BDP1: variants seen among roughly 807,000 people sequenced by gnomAD.
The protein encoded by BDP1 is BDP1 general transcription factor IIIB subunit.
In BDP1, 169 loss-of-function variants were observed where a neutral mutation model predicts 266.6. That is an observed-to-expected ratio of 0.63 (90% CI 0.56 to 0.72). The LOEUF (loss-of-function observed/expected upper bound fraction) is 0.72. Among genes scored for constraint, BDP1 ranks in the 30% least tolerant of loss-of-function variants. The probability of loss-of-function intolerance (pLI) is 0.00; values close to 1 mark genes in which losing one functional copy is unlikely to be tolerated. For missense variants in BDP1, 3,015 were observed against 3,053.8 expected, an observed-to-expected ratio of 0.99 and a Z score of 0.30; for synonymous variants, 1,090 against 1,022.4, an observed-to-expected ratio of 1.07 and a Z score of -1.26.
Position 71,523,089 on chromosome 5 carries a change from A to T in BDP1, c.5387+140A>T, listed in dbSNP as rs1386836248. The T allele has an allele frequency of 1.2e-5, 7 of 570,354 alleles. No homozygotes were observed. In the Admixed American group the frequency reaches 2.4e-4, roughly 20 times the overall value. The allele number at this position is 570,354 out of a possible 1,614,324, so 35.3% of individuals were successfully genotyped here. A position where few individuals can be genotyped will look rare whatever the true frequency, so the allele number is the denominator to read the frequency against. On this transcript the variant is annotated intron_variant, in intron 24 of 38. Coordinates refer to ENST00000358731, the MANE Select transcript of BDP1 (RefSeq NM_018429.3). ...GAAACTTGACCAAAGAGGAGTATGTATGTATTAGCTAAGTAATTAAGGTGC... is the reference window on the plus strand; with the variant it reads ...GAAACTTGACCAAAGAGGAGTATGTTTGTATTAGCTAAGTAATTAAGGTGC...
chr5:71,455,810 G>A lies in BDP1; in HGVS notation c.-68G>A. 6 of 1,400,420 alleles carry A rather than the reference G, an allele frequency of 4.3e-6. No homozygotes were observed. Among genetic ancestry groups the A allele is most frequent in the Non-Finnish European group, 5.8e-6 (6 of 1,033,076 alleles). The allele number at this position is 1,400,420 out of a possible 1,614,324, so 86.7% of individuals were successfully genotyped here. ...GGGCGTAGTTCCTAATCCCCTTTCC[G>A]GGCAGCCGCCGGGGCTCGGGGCTGT... On this transcript the variant is annotated 5_prime_UTR_variant, in exon 1 of 39. Transcript: ENST00000358731.
At position 71,517,255 on chromosome 5, in the gene BDP1, G is replaced by T. The variant is rs1487275191; in HGVS notation, c.4861-67G>T. ...TTTTAAAAAACTAAATATCTTAATG[G>T]TGGAAATATTTTAAGAGGTATATTC... On this transcript the variant is annotated intron_variant, in intron 21 of 38. Coordinates refer to ENST00000358731, the MANE Select transcript of BDP1 (RefSeq NM_018429.3). 8 of 1,258,972 alleles carry T rather than the reference G, an allele frequency of 6.4e-6. No individual in the cohort carries two copies. In the Admixed American group the frequency reaches 8.4e-5, roughly 13 times the overall value. 78.0% of individuals were successfully genotyped at this position (1,258,972 alleles called of 1,614,324 possible).
downstream of BDP1, among the ~76,000 whole-genome samples, chr5:71,570,341 A>G (rs1744226443): frequency 6.6e-6 from 1 of 152,232 alleles, no homozygotes; most frequent in African/African-American, 2.4e-5. Context: ...GATTTATGGT[A>G]TACCCATGAA....
chr5:71,527,009 A>G (rs1483945999), intron 25 of BDP1, among the ~76,000 whole-genome samples: 4 of 151,660 alleles, frequency 2.6e-5, no homozygotes, highest in Admixed American at 2.6e-4. Flanking sequence ...TTAAGTGTAC[A>G]CTTCAGTGGC....
Position 71,501,610 on chromosome 5 carries a change from G to A in BDP1, c.2005G>A (p.Glu669Lys), listed in dbSNP as rs1201649203. 1.9e-6 allele frequency: 3 copies of A among 1,604,780 alleles called. No individual in the cohort carries two copies. The highest frequency in any genetic ancestry group is 2.6e-6 in the Non-Finnish European group (3 of 1,173,634). Residue 669 changes from glutamate to lysine, a missense_variant, in exon 14 of 39, where the codon GAG becomes AAG. By Grantham distance (56) the Glu-to-Lys change is moderately conservative. Coordinates refer to ENST00000358731, the MANE Select transcript of BDP1 (RefSeq NM_018429.3). Reference sequence around the variant, plus strand: ...GAATACATTGGACATTTTGAGAATGGAGACTACAGAGAGAGAGAATCCAGA... The same window carrying A: ...GAATACATTGGACATTTTGAGAATGAAGACTACAGAGAGAGAGAATCCAGA... ...KMNTLDILRM[E>K]TTERENPEAE... is the part of the protein sequence containing the mutation.
intron 7 of BDP1, among the ~76,000 whole-genome samples, chr5:71,481,809 T>C (rs1473831853): frequency 6.6e-6 from 1 of 152,210 alleles, no homozygotes; most frequent in Non-Finnish European, 1.5e-5. Flanking sequence ...GAGTTATTAT[T>C]TTCTAAGTTC....
chr5:71,551,981 G>A (rs1742812908), intron 34 of BDP1, among the ~76,000 whole-genome samples: 2 of 150,358 alleles, frequency 1.3e-5, no homozygotes, highest in Non-Finnish European at 3.0e-5. Context: ...CCCGGACGGG[G>A]CGGCTGGCCT....
In BDP1 at chr5:71,522,350, G is replaced by T. The variant is rs200843292; in HGVS notation, c.5053G>T (p.Ala1685Ser). 10 of 1,613,850 alleles carry T rather than the reference G, an allele frequency of 6.2e-6. No homozygotes were observed. The highest frequency in any genetic ancestry group is 8.5e-6 in the Non-Finnish European group (10 of 1,179,936). Reference sequence around the variant, plus strand: ...AATGACAAGAAGGAAATTCCAAAAGGCTAAGCCAAATTTGGGAAGAGCACA... The same window carrying T: ...AATGACAAGAAGGAAATTCCAAAAGTCTAAGCCAAATTTGGGAAGAGCACA... Reference protein sequence around the residue: ...AQMTRRKFQKAKPNLGRAHSK... With the variant: ...AQMTRRKFQKSKPNLGRAHSK... The change falls in exon 23 of 39, where the codon GCT becomes TCT. Residue 1685 changes from alanine (A) to serine (S), a missense_variant. Ala to Ser is a moderately conservative substitution (Grantham distance 99). This residue lies in a region of BDP1 where 2,383 missense variants were observed against 2,404.9 expected (regional missense o/e 0.99). Transcript: ENST00000358731.
At position 71,467,467 on chromosome 5, in the gene BDP1, C is replaced by T. The variant is rs1275025061; in HGVS notation, c.899C>T (p.Ser300Phe). Residue 300 changes from serine to phenylalanine, a missense_variant, in exon 6 of 39, where the codon TCT becomes TTT. By Grantham distance (155) the Ser-to-Phe change is radical. This residue lies in a region of BDP1 where 2,383 missense variants were observed against 2,404.9 expected (regional missense o/e 0.99). Coordinates refer to ENST00000358731, the MANE Select transcript of BDP1 (RefSeq NM_018429.3). ...TCCAGCTTTAGGAAAAACTATTACT[C>T]TAAACCATGGTCAAATAAAGGTAAC... ...TYSSFRKNYY[S>F]KPWSNKETDM... 6.2e-7 allele frequency: 1 copy of T among 1,604,252 alleles called. No homozygotes were observed. Among genetic ancestry groups the T allele is most frequent in the African/African-American group, 1.3e-5 (1 of 74,564 alleles).
At chr5:71,570,033 T>G (rs562427300), downstream of BDP1, among the ~76,000 whole-genome samples, 7 of 152,172 alleles carry the variant, frequency 4.6e-5, no homozygotes, top group Non-Finnish European at 8.8e-5. Flanking sequence ...CCTTATCTCA[T>G]GGGTTAAGGA....
chr5:71,534,136 C>T (rs1294756358), intron 26 of BDP1, among the ~76,000 whole-genome samples: 1 of 152,140 alleles, frequency 6.6e-6, no homozygotes, highest in African/African-American at 2.4e-5. Context: ...GTTGCTCATG[C>T]TTCTGTTGTC....
At chr5:71,498,846 C>G (rs1764056529) in intron 13 of BDP1, among the ~76,000 whole-genome samples, 1 of 151,644 alleles carries the variant, frequency 6.6e-6, no homozygotes, top group African/African-American at 2.4e-5. Context: ...GCCTCAGCCT[C>G]CTAAGTAGCT....
At chr5:71,525,386 G>A (rs1361899874) in intron 25 of BDP1, among the ~76,000 whole-genome samples, 4 of 143,232 alleles carry the variant, frequency 2.8e-5, no homozygotes, top group African/African-American at 7.6e-5. Context: ...CTGGCCGGGC[G>A]GGGGGCTGAC....
In BDP1 at chr5:71,541,447, T is replaced by C. The variant is rs770130967; in HGVS notation, c.6023-7T>C. The C allele has an allele frequency of 5.3e-6, 6 of 1,128,216 alleles. No homozygotes were observed. Among genetic ancestry groups the C allele is most frequent in the African/African-American group, 1.6e-5 (1 of 61,886 alleles). The allele number at this position is 1,128,216 out of a possible 1,614,324, so 69.9% of individuals were successfully genotyped here. A position where few individuals can be genotyped will look rare whatever the true frequency, so the allele number is the denominator to read the frequency against. ...ATTTTAATTTTGTTTTTTTTTTTTT[T>C]CTTCAGTAGGAGTATGTATAATTCC... On this transcript the variant is annotated splice_polypyrimidine_tract_variant and splice_region_variant and intron_variant, in intron 28 of 38. Coordinates refer to ENST00000358731, the MANE Select transcript of BDP1 (RefSeq NM_018429.3).
chr5:71,504,556 T>G, intron 15 of BDP1, 65 bp from the exon 16 acceptor site: 1 of 1,414,442 alleles, frequency 7.1e-7, no homozygotes, highest in Non-Finnish European at 9.7e-7. Context: ...TTGGACATTT[T>G]CAATGAAATC....
At chr5:71,530,991 T>G (rs1283185106) in intron 25 of BDP1, among the ~76,000 whole-genome samples, 3 of 152,124 alleles carry the variant, frequency 2.0e-5, no homozygotes, top group Non-Finnish European at 2.9e-5. Context: ...GGAGGATTGC[T>G]TGAGCCTGAG....
At chr5:71,496,584 C>T (rs1448256128) in intron 12 of BDP1, among the ~76,000 whole-genome samples, 1 of 151,972 alleles carries the variant, frequency 6.6e-6, no homozygotes, top group Non-Finnish European at 1.5e-5. Context: ...ACTATAGGTG[C>T]TCGCCACCAC....
At chr5:71,514,555 C>T (rs551086475) in intron 19 of BDP1, among the ~76,000 whole-genome samples, 1 of 152,166 alleles carries the variant, frequency 6.6e-6, no homozygotes, top group East Asian at 1.9e-4. Flanking sequence ...CTGATTTTTC[C>T]ACTTACAGTA....
intron 25 of BDP1, among the ~76,000 whole-genome samples, chr5:71,530,506 A>T (rs1441701627): frequency 1.3e-5 from 2 of 151,862 alleles, no homozygotes; most frequent in African/African-American, 4.8e-5. Flanking sequence ...AGCCTCCCAA[A>T]GTGCTGGGAT....
Sources: allele counts gnomAD v4.1 joint callset (sites outside exome capture counted in the v4.1 genomes callset), GRCh38; gene constraint gnomAD v4.1.1; regional missense constraint gnomAD v4.1.1; transcripts MANE v1.5; gene names NCBI Gene and HGNC (gene_info 2026-07-23, HGNC 2026-07-21).